The following FBXO34 variants were observed in gnomAD, a reference collection of about 807,000 sequenced individuals.
The protein encoded by FBXO34 is F-box protein 34, also known as F-box only protein 34.
In FBXO34, 12 loss-of-function variants were observed where a neutral mutation model predicts 24.5. The ratio of observed to expected loss-of-function variants is 0.49; its 90% CI spans 0.31 to 0.79. The LOEUF (loss-of-function observed/expected upper bound fraction) is 0.79, where lower values mean the gene tolerates loss of function less well. Ranked by LOEUF, FBXO34 falls within the 30% of genes least tolerant of loss-of-function variation. The pLI, the probability that FBXO34 is intolerant of heterozygous loss-of-function variation, is 0.04. For synonymous variants in FBXO34, 320 were observed against 311.9 expected (o/e 1.03, Z -0.27); for missense variants, 823 against 857.7 (o/e 0.96, Z 0.51).
the FBXO34 span, among the ~76,000 whole-genome samples, chr14:55,419,600 G>A: frequency 6.6e-6 from 1 of 152,208 alleles, no homozygotes; most frequent in African/African-American, 2.4e-5. Flanking sequence ...TAGAACAGCA[G>A]GGCCTCTTTG....
the FBXO34 span, among the ~76,000 whole-genome samples, chr14:55,410,368 A>G: frequency 6.6e-6 from 1 of 152,208 alleles, no homozygotes; most frequent in Non-Finnish European, 1.5e-5. Context: ...GTCCAGAACC[A>G]AATCCTCGAT....
the FBXO34 span, among the ~76,000 whole-genome samples, chr14:55,426,267 CA>C: frequency 0.1 from 13,058 of 128,144 alleles, 1,709 homozygotes; most frequent in African/African-American, 0.31. Flanking sequence ...AACTCCATCT[CA>C]AAAAAAAAAA....
intron 1 of FBXO34, among the ~76,000 whole-genome samples, chr14:55,333,261 T>C (rs1368959317): frequency 6.6e-6 from 1 of 152,230 alleles, no homozygotes; most frequent in Non-Finnish European, 1.5e-5. Context: ...CAGAAATTTT[T>C]GTTGAGGGAG....
At chr14:55,359,102 A>AG (rs1884558679) in intron 3 of FBXO34, among the ~76,000 whole-genome samples, 1 of 152,094 alleles carries the variant, frequency 6.6e-6, no homozygotes, top group African/African-American at 2.4e-5. Context: ...AGCAGGATGA[A>AG]GGGGAGGGAG....
downstream of FBXO34, among the ~76,000 whole-genome samples, chr14:55,371,664 T>C (rs753969677): frequency 1.2e-4 from 18 of 152,008 alleles, no homozygotes; most frequent in Non-Finnish European, 1.6e-4. Context: ...ATTAGCTGGG[T>C]GTGATGGCGG....
chr14:55,410,262 G>C, the FBXO34 span, among the ~76,000 whole-genome samples: 1 of 152,172 alleles, frequency 6.6e-6, no homozygotes, highest in South Asian at 2.1e-4. Context: ...CTTTAGAGAA[G>C]ACTAGGTTGG....
chr14:55,430,398 T>TAAAAA, the FBXO34 span, among the ~76,000 whole-genome samples: 3 of 119,826 alleles, frequency 2.5e-5, no homozygotes, highest in Non-Finnish European at 5.0e-5. Flanking sequence ...TCACCCACTT[T>TAAAAA]AAAAAAAAAA....
intron 1 of FBXO34, among the ~76,000 whole-genome samples, chr14:55,317,755 C>T (rs935794909): frequency 6.6e-6 from 1 of 152,170 alleles, no homozygotes; most frequent in African/African-American, 2.4e-5. Context: ...TTCCTTTAGC[C>T]AGCTGGTAAA....
chr14:55,324,081 C>A (rs1272378394), intron 1 of FBXO34, among the ~76,000 whole-genome samples: 1 of 151,880 alleles, frequency 6.6e-6, no homozygotes, highest in Admixed American at 6.6e-5. Context: ...TAGCAGTTAC[C>A]CTGCATTCCC....
chr14:55,366,060 C>T (rs1311982844), downstream of FBXO34, among the ~76,000 whole-genome samples: 1 of 152,152 alleles, frequency 6.6e-6, no homozygotes, highest in African/African-American at 2.4e-5. Context: ...GCAGGTTCCA[C>T]GTGGGCATCC....
chr14:55,343,057 G>T (rs1490956053), intron 1 of FBXO34, among the ~76,000 whole-genome samples: 1 of 152,098 alleles, frequency 6.6e-6, no homozygotes, highest in Admixed American at 6.5e-5. Context: ...GCAGCACTTT[G>T]CTGAAGTTGC....
At chr14:55,272,525 C>CTT (rs542675528) in intron 1 of FBXO34, among the ~76,000 whole-genome samples, 235 of 113,584 alleles carry the variant, frequency 2.1e-3, no homozygotes, top group Middle Eastern at 0.011. Flanking sequence ...AATCAGTTTG[C>CTT]TTTTTTTTTT....
chr14:55,277,149 A>G (rs1881371022), intron 1 of FBXO34, among the ~76,000 whole-genome samples: 1 of 152,206 alleles, frequency 6.6e-6, no homozygotes, highest in Admixed American at 6.5e-5. Context: ...TGCACCTTCT[A>G]GGTTAATTTC....
At chr14:55,312,803 C>G (rs1473165556) in intron 1 of FBXO34, among the ~76,000 whole-genome samples, 1 of 152,234 alleles carries the variant, frequency 6.6e-6, no homozygotes, top group Non-Finnish European at 1.5e-5. Context: ...GGCTGTGGGC[C>G]TGGCCCAGGA....
chr14:55,309,584 A>G (rs966170298), intron 1 of FBXO34, among the ~76,000 whole-genome samples: 1 of 152,230 alleles, frequency 6.6e-6, no homozygotes, highest in Admixed American at 6.5e-5. Flanking sequence ...CCCACACAAC[A>G]CATGTACTGC....
chr14:55,351,373 C>T lies in FBXO34; in HGVS notation c.983C>T (p.Thr328Ile). 5.0e-6 allele frequency: 8 copies of T among 1,614,190 alleles called. No individual in the cohort carries two copies. Among genetic ancestry groups the T allele is most frequent in the Non-Finnish European group, 6.8e-6 (8 of 1,180,036 alleles). The change falls in exon 2 of 2, where the codon ACA (threonine) becomes ATA (isoleucine). Residue 328 changes from threonine to isoleucine, a missense_variant. Coordinates refer to ENST00000313833, the MANE Select transcript of FBXO34 (RefSeq NM_017943.4). Reference protein sequence around the residue: ...ANSTQADEGKTKKGVLEAPDT... With the variant: ...ANSTQADEGKIKKGVLEAPDT... ...AGCACTCAGGCTGATGAAGGCAAAA[C>T]AAAGAAAGGCGTCTTGGAGGCACCT...
At chr14:55,357,767 C>T (rs1177091653), downstream of FBXO34, among the ~76,000 whole-genome samples, 3 of 152,136 alleles carry the variant, frequency 2.0e-5, no homozygotes, top group Non-Finnish European at 2.9e-5. Flanking sequence ...GCCATGATTG[C>T]ATCACTGCAC....
Position 55,351,194 on chromosome 14 carries a change from G to A in FBXO34, c.804G>A (p.Glu268=). Residue 268 remains glutamate, a synonymous_variant, in exon 2 of 2, where the codon GAG becomes GAA. Coordinates refer to ENST00000313833, the MANE Select transcript of FBXO34 (RefSeq NM_017943.4). Reference sequence around the variant, plus strand: ...AACCCACAGAAAGGGGAAATCTTGAGGTTGGTGAACCACAGAGCGAACCAG... The same window carrying A: ...AACCCACAGAAAGGGGAAATCTTGAAGTTGGTGAACCACAGAGCGAACCAG... The part of the protein sequence containing the change: ...CEEPTERGNL[E]VGEPQSEPVR... The A allele has an allele frequency of 6.2e-7, 1 of 1,614,206 alleles. No homozygotes were observed.
Position 55,351,192 on chromosome 14 carries a change from G to A in FBXO34, c.802G>A (p.Glu268Lys). Residue 268 changes from glutamate (E) to lysine (K), a missense_variant, in exon 2 of 2, where the codon GAG (glutamate) becomes AAG (lysine). Physicochemically the swap from Glu to Lys is moderately conservative, Grantham distance 56 (BLOSUM62 1). Coordinates refer to ENST00000313833, the MANE Select transcript of FBXO34 (RefSeq NM_017943.4). The stretch of plus-strand genomic sequence containing the variant: ...AGAACCCACAGAAAGGGGAAATCTT[G>A]AGGTTGGTGAACCACAGAGCGAACC... ...CEEPTERGNL[E>K]VGEPQSEPVR... 6.2e-7 allele frequency: 1 copy of A among 1,614,228 alleles called. No individual in the cohort carries two copies. Among genetic ancestry groups the A allele is most frequent in the Non-Finnish European group, 8.5e-7 (1 of 1,180,042 alleles).
Sources: allele counts gnomAD v4.1 joint callset (sites outside exome capture counted in the v4.1 genomes callset), GRCh38; gene constraint gnomAD v4.1.1; transcripts MANE v1.5; gene names NCBI Gene and HGNC (gene_info 2026-07-23, HGNC 2026-07-21).